Variants in SYNC observed in about 807,000 individuals in gnomAD.
The protein encoded by SYNC is syncoilin.
A neutral mutation model predicts 49.5 loss-of-function variants in SYNC; 38 were observed. The ratio of observed to expected loss-of-function variants is 0.77; its 90% CI spans 0.59 to 1.01. The LOEUF is 1.01. SYNC is among the 50% of genes least tolerant of loss of function. The probability of loss-of-function intolerance (pLI) is 0.00; values close to 1 mark genes in which losing one functional copy is unlikely to be tolerated. For missense variants in SYNC, 579 were observed against 580.6 expected (o/e 1.00, Z 0.03); for synonymous variants, 201 against 230.8 (o/e 0.87, Z 1.17).
Position 32,694,847 on chromosome 1 carries a change from C to T in SYNC, c.1233+18G>A. On this transcript the variant is annotated intron_variant, in intron 2 of 4. Coordinates refer to ENST00000409190, the MANE Select transcript of SYNC (RefSeq NM_030786.3). ...CAGGTTAAAAGACCTCAGTTCTTTTCATGCCCAATGGGCCTACCCTGTACT... is the reference window on the plus strand; with the variant it reads ...CAGGTTAAAAGACCTCAGTTCTTTTTATGCCCAATGGGCCTACCCTGTACT... 1 of 1,544,436 alleles carries T rather than the reference C, an allele frequency of 6.5e-7. No individual in the cohort carries two copies. Among genetic ancestry groups the T allele is most frequent in the Non-Finnish European group, 8.7e-7 (1 of 1,148,492 alleles).
chr1:32,698,865 C>G (rs1650554533), intron 1 of SYNC, among the ~76,000 whole-genome samples: 2 of 151,400 alleles, frequency 1.3e-5, no homozygotes, highest in African/African-American at 4.8e-5. Context: ...ACTGCAGCCT[C>G]AACCTCCCCG....
intron 2 of SYNC, among the ~76,000 whole-genome samples, chr1:32,686,571 G>A (rs75999698): frequency 0.061 from 9,366 of 152,334 alleles, 380 homozygotes; most frequent in Middle Eastern, 0.2. Flanking sequence ...TGTGGAAACA[G>A]GAGGGTTATC....
In SYNC at chr1:32,695,133, C is replaced by T. The variant is rs775833133; in HGVS notation, c.965G>A (p.Arg322Gln). 11 of 1,609,158 alleles carry T rather than the reference C, an allele frequency of 6.8e-6. No individual in the cohort carries two copies. The highest frequency in any genetic ancestry group is 3.4e-5 in the Admixed American group (2 of 58,962). The change falls in exon 2 of 5, where the codon CGG becomes CAG. Residue 322 changes from arginine to glutamine, a missense_variant. Physicochemically the swap from Arg to Gln is conservative, Grantham distance 43 (BLOSUM62 1). Transcript: ENST00000409190. ...ATTTTCAAACTGGGCAGAGAGTCGC[C>T]GGCTTTCCTGGAGAAAGTGCCCATC... ...QRDGHFLQES[R>Q]RLSAQFENLM...
intron 4 of SYNC, 199 bp downstream of exon 4, chr1:32,683,811 T>G: frequency 1.8e-6 from 1 of 559,944 alleles, no homozygotes; most frequent in Non-Finnish European, 3.2e-6. Flanking sequence ...TTTTGTATTT[T>G]TAGTGGAGAT....
At chr1:32,701,705 C>A (rs1650676682) in intron 1 of SYNC, among the ~76,000 whole-genome samples, 1 of 152,314 alleles carries the variant, frequency 6.6e-6, no homozygotes, top group Middle Eastern at 3.4e-3. Context: ...GGAGAGGAAG[C>A]CAGCTTAGTT....
Position 32,702,709 on chromosome 1 carries a change from C to T in SYNC, c.-49G>A, listed in dbSNP as rs934391366. The stretch of plus-strand genomic sequence containing the variant: ...GCCGCGTTATTAATAGCCGGGCCCG[C>T]GGGCCCCTCGCTCCGGCGCCCGCGC... On this transcript the variant is annotated 5_prime_UTR_variant, in exon 1 of 5. Transcript: ENST00000409190. This position sits in a 1 kb window ranked among gnomAD's most constrained non-coding sequence, Gnocchi z 6.2. The T allele has an allele frequency of 2.7e-6, 3 of 1,128,290 alleles. No individual in the cohort carries two copies. Among genetic ancestry groups the T allele is most frequent in the Non-Finnish European group, 3.3e-6 (3 of 922,352 alleles). 69.9% of individuals were successfully genotyped at this position (1,128,290 alleles called of 1,614,324 possible).
At chr1:32,697,229 G>A (rs1281003685) in intron 1 of SYNC, among the ~76,000 whole-genome samples, 1 of 150,582 alleles carries the variant, frequency 6.6e-6, no homozygotes. Context: ...ATCACCTGAG[G>A]TCGGGAGTTC....
At position 32,680,282 on chromosome 1, in the gene SYNC, G is replaced by A. The variant is rs532255103; in HGVS notation, c.*1568C>T. On this transcript the variant is annotated 3_prime_UTR_variant, in exon 5 of 5. Transcript: ENST00000409190. ...CCCATATATTCATATATTTTTGCTC[G>A]TTAGTGTATTTCTTGAGCTGTTTTC... The A allele has an allele frequency of 1.7e-5, 21 of 1,245,870 alleles. No individual in the cohort carries two copies. In the South Asian group the frequency reaches 2.0e-4, roughly 12 times the overall value. 77.2% of individuals were successfully genotyped at this position (1,245,870 alleles called of 1,614,324 possible). A position where few individuals can be genotyped will look rare whatever the true frequency, so the allele number is the denominator to read the frequency against.
At chr1:32,697,732 C>CA (rs569198872) in intron 1 of SYNC, among the ~76,000 whole-genome samples, 1,922 of 135,092 alleles carry the variant, frequency 0.014, 24 homozygotes, top group Middle Eastern at 0.024. Flanking sequence ...GAGACCCTGT[C>CA]AAAAAAAAAA....
Position 32,702,566 on chromosome 1 carries a change from C to T in SYNC, c.53+42G>A. 2 of 1,214,734 alleles carry T rather than the reference C, an allele frequency of 1.6e-6. No homozygotes were observed. Among genetic ancestry groups the T allele is most frequent in the Non-Finnish European group, 2.0e-6 (2 of 976,926 alleles). 75.2% of individuals were successfully genotyped at this position (1,214,734 alleles called of 1,614,324 possible). A position where few individuals can be genotyped will look rare whatever the true frequency, so the allele number is the denominator to read the frequency against. The stretch of plus-strand genomic sequence containing the variant: ...AAAGGGAACCCGTCCAGCAGCACCC[C>T]TTCCCCAGCGGGGCGGCGACGCGGG... On this transcript the variant is annotated intron_variant, in intron 1 of 4. Coordinates refer to ENST00000409190, the MANE Select transcript of SYNC (RefSeq NM_030786.3). This position sits in a 1 kb window ranked among gnomAD's most constrained non-coding sequence, Gnocchi z 6.2.
intron 2 of SYNC, among the ~76,000 whole-genome samples, chr1:32,690,862 A>C (rs926032445): frequency 9.9e-5 from 15 of 151,446 alleles, no homozygotes; most frequent in African/African-American, 3.6e-4. Flanking sequence ...CGAGGCAGGC[A>C]GACTGCCTGA....
intron 2 of SYNC, among the ~76,000 whole-genome samples, chr1:32,687,031 G>GA (rs1649875061): frequency 6.6e-6 from 1 of 152,180 alleles, no homozygotes; most frequent in African/African-American, 2.4e-5. Context: ...CAGCTTTAGA[G>GA]AAAACTTTAG....
At chr1:32,698,897 C>T (rs2148563615) in intron 1 of SYNC, among the ~76,000 whole-genome samples, 2 of 151,894 alleles carry the variant, frequency 1.3e-5, no homozygotes, top group South Asian at 4.2e-4. Flanking sequence ...CCTCCTGCCT[C>T]AGCCTCCCGG....
At chr1:32,684,637 G>A (rs1368770064) in intron 2 of SYNC, 1 of 452,618 alleles carries the variant, frequency 2.2e-6, no homozygotes, top group Non-Finnish European at 4.0e-6. Flanking sequence ...AATCCTGGGA[G>A]GGTGATTGGG....
intron 2 of SYNC, among the ~76,000 whole-genome samples, chr1:32,693,290 C>T (rs1425690557): frequency 6.6e-6 from 1 of 152,092 alleles, no homozygotes; most frequent in Admixed American, 6.5e-5. Context: ...ACCATATTGG[C>T]TATACTTGTC....
At chr1:32,683,414 T>A (rs1319863967) in intron 4 of SYNC, 1 of 152,254 alleles carries the variant, frequency 6.6e-6, no homozygotes, top group African/African-American at 2.4e-5. Context: ...TCTGCTATTA[T>A]AAGGAAAACT....
At chr1:32,688,771 CAG>C (rs1168873212) in intron 2 of SYNC, among the ~76,000 whole-genome samples, 34 of 151,020 alleles carry the variant, frequency 2.3e-4, no homozygotes, top group Admixed American at 1.9e-3. Flanking sequence ...TTTAGCGAGA[CAG>C]GGTTTCACCG....
At chr1:32,701,356 T>C (rs143354336) in intron 1 of SYNC, among the ~76,000 whole-genome samples, 4 of 152,310 alleles carry the variant, frequency 2.6e-5, no homozygotes, top group East Asian at 3.9e-4. Flanking sequence ...TTCACACTTA[T>C]TGCTCCAGTT....
chr1:32,686,895 T>C (rs554962220), intron 2 of SYNC, among the ~76,000 whole-genome samples: 1 of 152,340 alleles, frequency 6.6e-6, no homozygotes, highest in African/African-American at 2.4e-5. Context: ...TCTCAAACTT[T>C]TCTGTGCAAC....
Sources: allele counts gnomAD v4.1 joint callset (sites outside exome capture counted in the v4.1 genomes callset), GRCh38; gene constraint gnomAD v4.1.1; non-coding constraint Gnocchi (gnomAD v3.1); transcripts MANE v1.5; gene names NCBI Gene and HGNC (gene_info 2026-07-23, HGNC 2026-07-21).